SHISA9: variants seen among roughly 807,000 people sequenced by gnomAD.
SHISA9 encodes the protein shisa family member 9, also known as protein shisa-9.
A neutral mutation model predicts 38.0 loss-of-function variants in SHISA9; 13 were observed. That is an observed-to-expected ratio of 0.34 (90% CI 0.22 to 0.54). The LOEUF is 0.54. Ranked by LOEUF, SHISA9 falls within the 20% of genes least tolerant of loss-of-function variation. The probability of loss-of-function intolerance (pLI) is 0.91; values close to 1 mark genes in which losing one functional copy is unlikely to be tolerated. For synonymous variants in SHISA9, 275 were observed against 242.0 expected (o/e 1.14, Z -1.27); for missense variants, 538 against 575.8 (o/e 0.93, Z 0.67).
the SHISA9 span, among the ~76,000 whole-genome samples, chr16:13,525,437 T>C: frequency 2.0e-5 from 3 of 152,224 alleles, no homozygotes; most frequent in African/African-American, 7.2e-5. Context: ...GGATGAGTTA[T>C]TTAAAATCTC....
chr16:13,317,836 A>G, the SHISA9 span, among the ~76,000 whole-genome samples: 1 of 152,194 alleles, frequency 6.6e-6, no homozygotes, highest in Admixed American at 6.5e-5. Context: ...TTTTTTTTCC[A>G]GAAGTATCTA....
chr16:13,483,476 G>C, the SHISA9 span, among the ~76,000 whole-genome samples: 1 of 152,166 alleles, frequency 6.6e-6, no homozygotes, highest in Non-Finnish European at 1.5e-5. Flanking sequence ...ATTCAGGGTT[G>C]TGGTGTTTTG....
the SHISA9 span, among the ~76,000 whole-genome samples, chr16:13,539,797 G>A: frequency 6.6e-6 from 1 of 151,974 alleles, no homozygotes; most frequent in Non-Finnish European, 1.5e-5. Context: ...TCCCTTCTTT[G>A]TGTCCATGTG....
chr16:13,504,105 G>T, the SHISA9 span, among the ~76,000 whole-genome samples: 1 of 152,132 alleles, frequency 6.6e-6, no homozygotes, highest in African/African-American at 2.4e-5. Flanking sequence ...ACATATTCAG[G>T]TTTGGATCCT....
intron 2 of SHISA9, among the ~76,000 whole-genome samples, chr16:13,148,129 C>T (rs1223036231): frequency 1.3e-5 from 2 of 152,138 alleles, no homozygotes; most frequent in African/African-American, 2.4e-5. Flanking sequence ...AACATACACA[C>T]CTGCCAGCAC....
At chr16:13,189,412 C>T (rs527929122) in intron 2 of SHISA9, among the ~76,000 whole-genome samples, 6 of 152,332 alleles carry the variant, frequency 3.9e-5, no homozygotes, top group Non-Finnish European at 5.9e-5. Context: ...TCACACAAAC[C>T]TGGCATCGAA....
chr16:13,118,778 G>A (rs774773275), intron 2 of SHISA9, among the ~76,000 whole-genome samples: 5 of 142,330 alleles, frequency 3.5e-5, no homozygotes, highest in Non-Finnish European at 6.0e-5. Context: ...TGCCCAGGCT[G>A]GAATGCAATG....
At chr16:13,522,227 C>T in the SHISA9 span, among the ~76,000 whole-genome samples, 1 of 152,120 alleles carries the variant, frequency 6.6e-6, no homozygotes, top group Non-Finnish European at 1.5e-5. Flanking sequence ...AGAAGATTTT[C>T]CATTGTGATG....
At chr16:12,970,711 A>G (rs2072069995) in intron 2 of SHISA9, among the ~76,000 whole-genome samples, 1 of 150,240 alleles carries the variant, frequency 6.7e-6, no homozygotes, top group African/African-American at 2.5e-5. Flanking sequence ...TTTAGTACAG[A>G]CGGGGTTTCA....
At chr16:13,286,175 C>T in the SHISA9 span, among the ~76,000 whole-genome samples, 14 of 152,238 alleles carry the variant, frequency 9.2e-5, no homozygotes, top group Admixed American at 2.0e-4. Flanking sequence ...ATTCATCTTA[C>T]ATCTATTGAT....
the SHISA9 span, among the ~76,000 whole-genome samples, chr16:13,412,307 T>A: frequency 2.0e-5 from 3 of 151,926 alleles, no homozygotes; most frequent in Non-Finnish European, 2.9e-5. Context: ...GGGCTGGGAG[T>A]AGGGAGGGCT....
intron 2 of SHISA9, among the ~76,000 whole-genome samples, chr16:13,101,292 A>C (rs1315831008): frequency 6.6e-6 from 1 of 152,240 alleles, no homozygotes; most frequent in African/African-American, 2.4e-5. Context: ...GGAAATGGTA[A>C]CTATGTAAGA....
the SHISA9 span, among the ~76,000 whole-genome samples, chr16:13,472,090 C>G: frequency 1.3e-5 from 2 of 152,134 alleles, no homozygotes; most frequent in East Asian, 1.9e-4. Context: ...GAGCTTAGTG[C>G]TGTGTTTTCA....
At chr16:13,157,128 C>T (rs376029708) in intron 2 of SHISA9, among the ~76,000 whole-genome samples, 5 of 152,038 alleles carry the variant, frequency 3.3e-5, no homozygotes, top group South Asian at 2.1e-4. Context: ...CTTCTTCTTA[C>T]GTGTTTATTC....
chr16:12,979,318 A>G (rs1412380307), intron 2 of SHISA9, among the ~76,000 whole-genome samples: 1 of 146,268 alleles, frequency 6.8e-6, no homozygotes, highest in Non-Finnish European at 1.5e-5. Flanking sequence ...TTTTTTTTTG[A>G]CCTTAGGGAC....
intron 2 of SHISA9, among the ~76,000 whole-genome samples, chr16:13,118,730 CTTTTTTTTTTTTTTTT>C (rs1265771954): frequency 7.6e-6 from 1 of 130,778 alleles, no homozygotes; most frequent in African/African-American, 2.9e-5. Flanking sequence ...TTTCTTTTTT[CTTTTTTTTTTTTTTTT>C]GAGACAGAGT....
the SHISA9 span, among the ~76,000 whole-genome samples, chr16:13,528,322 A>G: frequency 6.6e-6 from 1 of 152,156 alleles, no homozygotes; most frequent in Admixed American, 6.5e-5. Context: ...CCTGCAACCC[A>G]AAGAGCATCA....
chr16:12,976,681 G>A (rs1045029784), intron 2 of SHISA9, among the ~76,000 whole-genome samples: 1 of 151,118 alleles, frequency 6.6e-6, no homozygotes, highest in Non-Finnish European at 1.5e-5. Flanking sequence ...TCTATTTCGA[G>A]TGTGCCTTGC....
At chr16:13,268,893 T>C in the SHISA9 span, among the ~76,000 whole-genome samples, 1 of 152,176 alleles carries the variant, frequency 6.6e-6, no homozygotes, top group Non-Finnish European at 1.5e-5. Flanking sequence ...TTATACCCAC[T>C]TACCTATTAC....
Sources: allele counts gnomAD v4.1 joint callset (sites outside exome capture counted in the v4.1 genomes callset), GRCh38; gene constraint gnomAD v4.1.1; transcripts MANE v1.5; gene names NCBI Gene and HGNC (gene_info 2026-07-23, HGNC 2026-07-21).